Variants in PPP1R14C observed in about 807,000 individuals in gnomAD.
The protein encoded by PPP1R14C is protein phosphatase 1 regulatory inhibitor subunit 14C.
A neutral mutation model predicts 20.4 loss-of-function variants in PPP1R14C; 16 were observed. The observed-to-expected ratio is 0.78, with a 90% confidence interval of 0.53 to 1.19. PPP1R14C has a LOEUF of 1.19. PPP1R14C is among the 50% of genes most tolerant of loss of function. The probability of loss-of-function intolerance (pLI) is 0.00; values close to 1 mark genes in which losing one functional copy is unlikely to be tolerated. For missense variants in PPP1R14C, 211 were observed against 220.1 expected (o/e 0.96, Z 0.26); for synonymous variants, 91 against 91.0 (o/e 1.00, Z 0.00).
chr6:150,249,804 T>C lies in PPP1R14C; in HGVS notation c.*984T>C, dbSNP rs3734730. The C allele has an allele frequency of 0.07, 24,959 of 355,258 alleles. 1,269 individuals are homozygous for C. The highest frequency in any genetic ancestry group is 0.18 in the African/African-American group (8,461 of 47,872). 22.0% of individuals were successfully genotyped at this position (355,258 alleles called of 1,614,324 possible). A position where few individuals can be genotyped will look rare whatever the true frequency, so the allele number is the denominator to read the frequency against. On this transcript the variant is annotated 3_prime_UTR_variant, in exon 4 of 4. Transcript: ENST00000361131. Reference sequence around the variant, plus strand: ...TCTGGTAGCTTCTGTGCCTGGGTAGTATCAGACCAGTGGGAGTAAACCGAG... The same window carrying C: ...TCTGGTAGCTTCTGTGCCTGGGTAGCATCAGACCAGTGGGAGTAAACCGAG...
intron 1 of PPP1R14C, chr6:150,195,859 G>T: frequency 5.1e-6 from 5 of 985,302 alleles, no homozygotes; most frequent in Non-Finnish European, 4.8e-6. Context: ...AGCTATGGGA[G>T]GCCAGAGGAC....
At chr6:150,248,555 C>T (rs142230915) in intron 3 of PPP1R14C, among the ~76,000 whole-genome samples, 191 bp from the exon 4 acceptor site, 1,762 of 152,306 alleles carry the variant, frequency 0.012, 33 homozygotes, top group African/African-American at 0.04. Context: ...AATAAGAAGG[C>T]ATTGTGGTGT....
At chr6:150,218,230 C>A (rs534814100) in intron 3 of PPP1R14C, among the ~76,000 whole-genome samples, 1 of 152,078 alleles carries the variant, frequency 6.6e-6, no homozygotes, top group East Asian at 1.9e-4. Context: ...GGTGAAACCC[C>A]GTCTCTACTA....
At chr6:150,191,908 G>A (rs1292577219) in intron 1 of PPP1R14C, among the ~76,000 whole-genome samples, 1 of 152,174 alleles carries the variant, frequency 6.6e-6, no homozygotes, top group Non-Finnish European at 1.5e-5. Context: ...TCTCTGAACT[G>A]GGATTTGAGG....
chr6:150,151,435 A>G (rs914389779), intron 1 of PPP1R14C, among the ~76,000 whole-genome samples: 19 of 152,146 alleles, frequency 1.2e-4, no homozygotes, highest in African/African-American at 4.3e-4. Context: ...GCTCTGGAAT[A>G]TGAGTCCCCA....
chr6:150,203,630 A>G lies in PPP1R14C; in HGVS notation c.307-11114A>G, dbSNP rs550786118. On this transcript the variant is annotated intron_variant, in intron 1 of 3. Transcript: ENST00000361131. ...CGTGTTCTGTGTTAGGAAATCTAAC[A>G]CTGCAGCAACCCCGAATGCCTCAGT... is the stretch of plus-strand genomic sequence containing the variant. 1.1e-4 allele frequency among the ~76,000 whole-genome samples: 17 copies of G among 152,346 alleles called. 1 individual carries two copies. The South Asian group carries it at 3.5e-3, about 32-fold the overall frequency.
chr6:150,240,297 C>T (rs1778416411), intron 3 of PPP1R14C, among the ~76,000 whole-genome samples: 1 of 152,158 alleles, frequency 6.6e-6, no homozygotes, highest in African/African-American at 2.4e-5. Flanking sequence ...GATATTGTTA[C>T]CAGTGGAGAA....
intron 1 of PPP1R14C, among the ~76,000 whole-genome samples, chr6:150,187,680 TTATC>T (rs1408392564): frequency 6.6e-6 from 1 of 152,234 alleles, no homozygotes; most frequent in East Asian, 1.9e-4. Flanking sequence ...CAACTTTTCT[TTATC>T]TAGTCTATCA....
At position 150,161,937 on chromosome 6, in the gene PPP1R14C, C is replaced by T. The variant is rs141484862; in HGVS notation, c.306+18439C>T. ...TTCTTTGTGTAGTCAGTCCTATGGA[C>T]TTTAACAAATGCAGAGTGTCACGTA... On this transcript the variant is annotated intron_variant, in intron 1 of 3. Transcript: ENST00000361131. Among the ~76,000 whole-genome samples, 32 of 152,356 alleles carry T rather than the reference C, an allele frequency of 2.1e-4. No individual in the cohort carries two copies. The East Asian group carries it at 4.4e-3, about 21-fold the overall frequency.
intron 1 of PPP1R14C, among the ~76,000 whole-genome samples, chr6:150,147,517 A>G (rs1777193455): frequency 6.6e-6 from 1 of 152,214 alleles, no homozygotes. Context: ...ATCTGGCATA[A>G]TATCTACTTT....
At chr6:150,229,696 A>T (rs1195787156) in intron 3 of PPP1R14C, among the ~76,000 whole-genome samples, 2 of 152,162 alleles carry the variant, frequency 1.3e-5, no homozygotes, top group African/African-American at 2.4e-5. Flanking sequence ...AGGGGGAAAA[A>T]ACAGGATGTA....
intron 3 of PPP1R14C, among the ~76,000 whole-genome samples, chr6:150,231,290 G>A (rs181513388): frequency 3.1e-4 from 47 of 152,180 alleles, no homozygotes; most frequent in African/African-American, 9.9e-4. Context: ...AATGTTGCTT[G>A]TCTTTCTATT....
intron 3 of PPP1R14C, among the ~76,000 whole-genome samples, chr6:150,219,084 ATT>A (rs1562272869): frequency 6.6e-6 from 1 of 151,964 alleles, no homozygotes; most frequent in African/African-American, 2.4e-5. Flanking sequence ...ATTTAACAGT[ATT>A]TTGTTAAATT....
intron 1 of PPP1R14C, among the ~76,000 whole-genome samples, chr6:150,205,022 T>C (rs568136519): frequency 4.0e-5 from 6 of 150,898 alleles, no homozygotes; most frequent in Non-Finnish European, 8.9e-5. Flanking sequence ...TTAAACTGTG[T>C]CTGGAGCACT....
intron 3 of PPP1R14C, among the ~76,000 whole-genome samples, chr6:150,236,042 AGGCAGCAT>A (rs1344832197): frequency 3.3e-5 from 5 of 152,206 alleles, no homozygotes; most frequent in African/African-American, 1.2e-4. Context: ...TTCTCACCCC[AGGCAGCAT>A]GGTGCAAAGG....
intron 3 of PPP1R14C, among the ~76,000 whole-genome samples, chr6:150,225,678 G>C (rs2114919818): frequency 6.6e-6 from 1 of 152,306 alleles, no homozygotes; most frequent in African/African-American, 2.4e-5. Flanking sequence ...TCACAACAAA[G>C]CTAATAGATT....
At chr6:150,236,902 C>A (rs550122001) in intron 3 of PPP1R14C, among the ~76,000 whole-genome samples, 3 of 151,984 alleles carry the variant, frequency 2.0e-5, no homozygotes, top group Non-Finnish European at 4.4e-5. Context: ...CCAGGCAGGA[C>A]GGAGAGCCTG....
intron 1 of PPP1R14C, among the ~76,000 whole-genome samples, chr6:150,189,294 GTGATGCATTTAAACTATT>G: frequency 6.6e-6 from 1 of 152,272 alleles, no homozygotes. Context: ...CAGGTGAAGG[GTGATGCATTTAAACTATT>G]TGATAGCACT....
intron 1 of PPP1R14C, chr6:150,194,919 A>G: frequency 1.0e-6 from 1 of 985,464 alleles, no homozygotes; most frequent in South Asian, 4.7e-5. Flanking sequence ...CATAAATATG[A>G]CAGTTGATCC....
Sources: gnomAD v4.1 joint callset for allele counts (sites outside exome capture counted in the v4.1 genomes callset) on GRCh38, gnomAD v4.1.1 for gene constraint, MANE v1.5 for transcripts, NCBI Gene and HGNC (gene_info 2026-07-23, HGNC 2026-07-21) for gene names.